CNTN5: variants seen among roughly 807,000 people sequenced by gnomAD.
The protein encoded by CNTN5 is contactin-5.
CNTN5 carries 77 observed loss-of-function variants against 129.1 expected under a neutral mutation model. The ratio of observed to expected loss-of-function variants is 0.60; its 90% CI spans 0.50 to 0.72. The LOEUF (loss-of-function observed/expected upper bound fraction) is 0.72, where lower values mean the gene tolerates loss of function less well. CNTN5 is among the 30% of genes least tolerant of loss of function. The probability of loss-of-function intolerance (pLI) is 0.00; values close to 1 mark genes in which losing one functional copy is unlikely to be tolerated. For synonymous variants in CNTN5, 509 were observed against 465.6 expected (o/e 1.09, Z -1.20); for missense variants, 1,478 against 1,328.8 (o/e 1.11, Z -1.75).
chr11:99,442,293 C>T (rs1202822158), intron 2 of CNTN5, among the ~76,000 whole-genome samples: 3 of 152,122 alleles, frequency 2.0e-5, no homozygotes, highest in Non-Finnish European at 4.4e-5. Flanking sequence ...CCTCAGACTC[C>T]CGAGTAGCTG....
chr11:100,252,381 G>A (rs1949981020), intron 16 of CNTN5, among the ~76,000 whole-genome samples: 1 of 152,008 alleles, frequency 6.6e-6, no homozygotes, highest in Admixed American at 6.6e-5. Context: ...TCATTCTGTT[G>A]ATTATTTCTT....
chr11:99,996,467 A>C (rs1464266645), intron 8 of CNTN5, among the ~76,000 whole-genome samples: 1 of 152,196 alleles, frequency 6.6e-6, no homozygotes, highest in South Asian at 2.1e-4. Flanking sequence ...AGATTTATCT[A>C]ATATCACTTC....
intron 1 of CNTN5, among the ~76,000 whole-genome samples, chr11:99,218,759 C>T (rs1860255497): frequency 1.3e-5 from 2 of 152,044 alleles, no homozygotes; most frequent in African/African-American, 4.8e-5. Flanking sequence ...ATTTCCAAAC[C>T]TCTTTTGTAT....
chr11:99,961,214 A>AAAAAC (rs1555167364), intron 8 of CNTN5, among the ~76,000 whole-genome samples: 2 of 143,620 alleles, frequency 1.4e-5, no homozygotes, highest in Non-Finnish European at 3.1e-5. Context: ...CAGAAAAAAA[A>AAAAAC]AAAAAAAAAA....
intron 6 of CNTN5, among the ~76,000 whole-genome samples, chr11:99,879,483 C>A (rs1295452691): frequency 6.6e-6 from 1 of 152,132 alleles, no homozygotes; most frequent in Non-Finnish European, 1.5e-5. Flanking sequence ...AACAGGTAAA[C>A]ATAGAAGCTC....
At chr11:99,972,977 G>A (rs71474545) in intron 8 of CNTN5, among the ~76,000 whole-genome samples, 16,987 of 146,098 alleles carry the variant, frequency 0.12, 1,057 homozygotes, top group African/African-American at 0.16. Context: ...CATTACTTGC[G>A]ACATGTTTTT....
intron 13 of CNTN5, among the ~76,000 whole-genome samples, chr11:100,092,283 A>G (rs1944817736): frequency 6.6e-6 from 1 of 152,154 alleles, no homozygotes; most frequent in Non-Finnish European, 1.5e-5. Context: ...ATTAAAAAGA[A>G]ACAGCAGTGG....
At chr11:100,208,629 G>A (rs1160078142) in intron 15 of CNTN5, among the ~76,000 whole-genome samples, 1 of 152,132 alleles carries the variant, frequency 6.6e-6, no homozygotes, top group African/African-American at 2.4e-5. Context: ...GGGAAGAACT[G>A]CAAAATTTTG....
At chr11:100,251,063 C>A (rs1463931413) in intron 16 of CNTN5, among the ~76,000 whole-genome samples, 1 of 152,126 alleles carries the variant, frequency 6.6e-6, no homozygotes, top group African/African-American at 2.4e-5. Context: ...AATTTCAAGT[C>A]TTTTTCATAA....
At chr11:99,710,601 G>GTGTA (rs775727645) in intron 3 of CNTN5, among the ~76,000 whole-genome samples, 1 of 124,384 alleles carries the variant, frequency 8.0e-6, no homozygotes, top group Non-Finnish European at 1.7e-5. Context: ...GTGTGTGTGT[G>GTGTA]TATGTATGTA....
At chr11:100,082,488 C>T (rs1333998461) in intron 13 of CNTN5, among the ~76,000 whole-genome samples, 1 of 152,068 alleles carries the variant, frequency 6.6e-6, no homozygotes, top group African/African-American at 2.4e-5. Flanking sequence ...GATGGGGTCT[C>T]ACCATGTTGC....
chr11:99,973,775 T>C (rs906668513), intron 8 of CNTN5, among the ~76,000 whole-genome samples: 2 of 152,204 alleles, frequency 1.3e-5, no homozygotes, highest in Non-Finnish European at 2.9e-5. Flanking sequence ...GTACAGGATA[T>C]TGAGGATTCT....
chr11:99,420,439 G>A (rs1942837319), intron 2 of CNTN5, among the ~76,000 whole-genome samples: 1 of 152,076 alleles, frequency 6.6e-6, no homozygotes, highest in Admixed American at 6.6e-5. Flanking sequence ...GTTAATGGTA[G>A]CACATAATAA....
At chr11:99,133,606 G>T (rs757886499) in intron 1 of CNTN5, among the ~76,000 whole-genome samples, 22 of 19,328 alleles carry the variant, frequency 1.1e-3, no homozygotes, top group Non-Finnish European at 1.7e-3. Flanking sequence ...GATAGGAACA[G>T]ACACTTCTCA....
At chr11:99,211,542 T>C (rs1391098196) in intron 1 of CNTN5, among the ~76,000 whole-genome samples, 2 of 146,986 alleles carry the variant, frequency 1.4e-5, no homozygotes. Flanking sequence ...TTTTTTCTCC[T>C]CCTTTTTTTT....
At chr11:99,948,097 AAAC>A (rs1387059677) in intron 7 of CNTN5, among the ~76,000 whole-genome samples, 2 of 151,984 alleles carry the variant, frequency 1.3e-5, no homozygotes, top group African/African-American at 4.8e-5. Context: ...GTCCAAGATT[AAAC>A]CTTTCTACGC....
At chr11:99,976,072 A>G (rs1055460852) in intron 8 of CNTN5, among the ~76,000 whole-genome samples, 1 of 152,216 alleles carries the variant, frequency 6.6e-6, no homozygotes, top group Non-Finnish European at 1.5e-5. Flanking sequence ...GTCATAACCA[A>G]GGGGCTACAG....
At chr11:100,149,893 CA>C (rs36016957) in intron 13 of CNTN5, among the ~76,000 whole-genome samples, 57 of 117,058 alleles carry the variant, frequency 4.9e-4, no homozygotes, top group Middle Eastern at 4.6e-3. Context: ...GACTCCATCT[CA>C]AAAAAAAAAA....
chr11:99,292,067 C>T (rs920628211), intron 1 of CNTN5, among the ~76,000 whole-genome samples: 5 of 151,736 alleles, frequency 3.3e-5, no homozygotes, highest in Non-Finnish European at 5.9e-5. Context: ...CAGAAATGTC[C>T]GATTCATAAA....
Sources: gnomAD v4.1 joint callset for allele counts (sites outside exome capture counted in the v4.1 genomes callset) on GRCh38, gnomAD v4.1.1 for gene constraint, MANE v1.5 for transcripts, NCBI Gene and HGNC (gene_info 2026-07-23, HGNC 2026-07-21) for gene names.